The following GALM variants were observed in gnomAD, a reference collection of about 807,000 sequenced individuals.
GALM encodes the protein aldose 1-epimerase.
In GALM, 43 loss-of-function variants were observed where a neutral mutation model predicts 37.4. The observed-to-expected ratio is 1.15, with a 90% CI of 0.90 to 1.48. GALM has a LOEUF of 1.48. Among genes scored for constraint, GALM ranks in the 40% most tolerant of loss-of-function variants. The probability of loss-of-function intolerance (pLI) is 0.00; values close to 1 mark genes in which losing one functional copy is unlikely to be tolerated. For missense variants in GALM, 456 were observed against 419.1 expected (o/e 1.09, Z -0.77); for synonymous variants, 199 against 170.6 (o/e 1.17, Z -1.30).
chr2:38,684,813 C>T (rs538396238), intron 3 of GALM, among the ~76,000 whole-genome samples: 1 of 151,600 alleles, frequency 6.6e-6, no homozygotes, highest in South Asian at 2.1e-4. Flanking sequence ...TTTTTATAAA[C>T]AATAAAAACA....
chr2:38,703,092 A>T (rs7569727), intron 4 of GALM, among the ~76,000 whole-genome samples: 104 of 7,964 alleles, frequency 0.013, 1 homozygote, highest in African/African-American at 0.023. Context: ...ATATATATAT[A>T]TTTTTTTTTT....
In GALM at chr2:38,697,867, C is replaced by G. The variant is rs527857108; in HGVS notation, c.634+7973C>G. On this transcript the variant is annotated intron_variant, in intron 4 of 6. Transcript: ENST00000272252. ...AGAGCCGGCATTTAGACCTCTACCC[C>G]AGGCAGGACCCACAAATCTTTGGCA... Among the ~76,000 whole-genome samples, 7 of 152,248 alleles carry G rather than the reference C, an allele frequency of 4.6e-5. No homozygotes were observed. The East Asian group carries it at 1.3e-3, about 29-fold the overall frequency.
In GALM at chr2:38,731,860, A is replaced by C. The variant is rs553372506; in HGVS notation, c.902A>C (p.His301Pro). 1 of 1,613,930 alleles carries C rather than the reference A, an allele frequency of 6.2e-7. No individual in the cohort carries two copies. The highest frequency in any genetic ancestry group is 1.1e-5 in the South Asian group (1 of 91,070). The change falls in exon 6 of 7, where the codon CAC becomes CCC. Residue 301 changes from histidine to proline, a missense_variant. His to Pro is a moderately conservative substitution (Grantham distance 77, BLOSUM62 -2). Transcript: ENST00000272252. ...AAGAATGGAGCTGTCTATCCCAAGC[A>C]CTCCGGTTTCTGCCTGGAGACTCAG... is the stretch of plus-strand genomic sequence containing the variant. ...KGKNGAVYPK[H>P]SGFCLETQNW... is the part of the protein sequence containing the mutation.
intron 5 of GALM, among the ~76,000 whole-genome samples, chr2:38,731,091 G>T (rs1182996154): frequency 2.0e-5 from 3 of 152,038 alleles, no homozygotes; most frequent in African/African-American, 4.8e-5. Flanking sequence ...GCCGGATGTG[G>T]TGGCAGGTAC....
intron 2 of GALM, chr2:38,680,115 C>G (rs1318593287): frequency 1.3e-5 from 6 of 448,964 alleles, no homozygotes; most frequent in South Asian, 7.8e-5. Flanking sequence ...ACCTCCTGGG[C>G]TCAAGCGATC....
intron 4 of GALM, among the ~76,000 whole-genome samples, chr2:38,714,257 C>T (rs1666225599): frequency 6.6e-6 from 1 of 151,988 alleles, no homozygotes; most frequent in African/African-American, 2.4e-5. Context: ...CTCTGTTGCC[C>T]AGGCGGGAGT....
rs751345417 is a variant in GALM at position 38,676,044 on chromosome 2, G to A, written c.323G>A (p.Gly108Glu). 7.4e-6 allele frequency: 12 copies of A among 1,613,968 alleles called. No individual in the cohort carries two copies. Among genetic ancestry groups the A allele is most frequent in the Non-Finnish European group, 1.0e-5 (12 of 1,180,014 alleles). The change falls in exon 2 of 7, where the codon GGA (glycine) becomes GAA (glutamate). Residue 108 changes from glycine (G) to glutamate (E), a missense_variant. Gly to Glu is a moderately conservative substitution (Grantham distance 98). Transcript: ENST00000272252. ...AACAAGGAACCCAACAGTCTGCATG[G>A]AGGAGTCAGAGGGTTTGATAAAGTA... ...AINKEPNSLHGGVRGFDKVLW... is the reference protein window; with the variant it reads ...AINKEPNSLHEGVRGFDKVLW...
At chr2:38,729,436 A>T (rs893728799) in intron 4 of GALM, 120 bp from the exon 5 acceptor site, 11 of 697,668 alleles carry the variant, frequency 1.6e-5, no homozygotes, top group Non-Finnish European at 2.2e-5. Flanking sequence ...CTGGGCTCCC[A>T]TCTCCTTAAC....
rs1254391194 is a variant in GALM, at chr2:38,689,833, C to T, written c.573C>T (p.Asp191=). 1 of 1,608,196 alleles carries T rather than the reference C, an allele frequency of 6.2e-7. No individual in the cohort carries two copies. The highest frequency in any genetic ancestry group is 2.2e-5 in the East Asian group (1 of 44,780). The change falls in exon 4 of 7, where the codon GAC becomes GAT. Residue 191 remains aspartate (D), a synonymous_variant. Coordinates refer to ENST00000272252, the MANE Select transcript of GALM (RefSeq NM_138801.3). Reference sequence around the variant, plus strand: ...CCCAGGCTTCCCCAAATATAAATGACCATGAAGTCACCATAGAAGCGGATA... The same window carrying T: ...CCCAGGCTTCCCCAAATATAAATGATCATGAAGTCACCATAGAAGCGGATA... ...LAGQASPNIN[D]HEVTIEADTY... is the part of the protein sequence containing the mutation.
At chr2:38,707,822 T>G (rs1269884949) in intron 4 of GALM, among the ~76,000 whole-genome samples, 2 of 151,802 alleles carry the variant, frequency 1.3e-5, no homozygotes, top group Non-Finnish European at 2.9e-5. Flanking sequence ...ATATAAAAAT[T>G]AGCAGCCGGG....
chr2:38,675,731 G>A (rs1243200532), intron 1 of GALM, among the ~76,000 whole-genome samples, 181 bp from the exon 2 acceptor site: 1 of 151,764 alleles, frequency 6.6e-6, no homozygotes, highest in Non-Finnish European at 1.5e-5. Context: ...ACCACGCCCA[G>A]CTAATTTTTT....
chr2:38,698,447 A>G, intron 4 of GALM: 1 of 1,288,336 alleles, frequency 7.8e-7, no homozygotes, highest in East Asian at 5.6e-5. Context: ...GTACACTGTC[A>G]GGCTGTGTTT....
intron 4 of GALM, among the ~76,000 whole-genome samples, chr2:38,719,752 C>T (rs1356510460): frequency 4.5e-5 from 6 of 134,306 alleles, no homozygotes; most frequent in Non-Finnish European, 7.7e-5. Flanking sequence ...CCAGCCTGGT[C>T]GACAAGAACG....
chr2:38,730,001 G>A (rs1377847400), intron 5 of GALM, among the ~76,000 whole-genome samples: 1 of 152,094 alleles, frequency 6.6e-6, no homozygotes, highest in Non-Finnish European at 1.5e-5. Context: ...CACCTCGGCT[G>A]TCACTGAACT....
At chr2:38,698,515 A>C in intron 4 of GALM, 1 of 530,232 alleles carries the variant, frequency 1.9e-6, no homozygotes, top group Non-Finnish European at 2.8e-6. Context: ...TAGCTACTTA[A>C]AAAAAAAAAA....
At chr2:38,708,640 A>T (rs1666089535) in intron 4 of GALM, among the ~76,000 whole-genome samples, 1 of 151,556 alleles carries the variant, frequency 6.6e-6, no homozygotes, top group Non-Finnish European at 1.5e-5. Context: ...ACTCAGGAAG[A>T]ATGGCATGAA....
chr2:38,694,153 A>G (rs941936879), intron 4 of GALM, among the ~76,000 whole-genome samples: 3 of 152,136 alleles, frequency 2.0e-5, no homozygotes, highest in Admixed American at 6.6e-5. Flanking sequence ...CTGCACTTCA[A>G]TGTGGGTGAA....
intron 4 of GALM, among the ~76,000 whole-genome samples, chr2:38,726,437 G>A (rs1242817834): frequency 1.8e-4 from 27 of 151,034 alleles, no homozygotes; most frequent in East Asian, 6.1e-4. Context: ...CGTTTTAGCC[G>A]GGATGGTCTC....
At chr2:38,710,955 T>C (rs1328826526) in intron 4 of GALM, among the ~76,000 whole-genome samples, 1 of 151,708 alleles carries the variant, frequency 6.6e-6, no homozygotes, top group African/African-American at 2.4e-5. Flanking sequence ...GGATTCACCA[T>C]CTTGACCAGG....
Sources: allele counts gnomAD v4.1 joint callset (sites outside exome capture counted in the v4.1 genomes callset), GRCh38; gene constraint gnomAD v4.1.1; transcripts MANE v1.5; gene names NCBI Gene and HGNC (gene_info 2026-07-23, HGNC 2026-07-21).